Variants in COL5A1 observed in about 807,000 individuals in gnomAD.
COL5A1 encodes the protein collagen type V alpha 1 chain.
COL5A1 carries 16 observed loss-of-function variants against 263.7 expected under a neutral mutation model. The observed-to-expected ratio is 0.06, with a 90% CI of 0.04 to 0.09. The LOEUF (loss-of-function observed/expected upper bound fraction) is 0.09, where lower values mean the gene tolerates loss of function less well. Ranked by LOEUF, COL5A1 falls within the 10% of genes least tolerant of loss-of-function variation. COL5A1 has a pLI of 1.00. For missense variants in COL5A1, 2,036 were observed against 2,540.5 expected, an observed-to-expected ratio of 0.80 and a Z score of 4.27; for synonymous variants, 1,012 against 1,004.5, an observed-to-expected ratio of 1.01 and a Z score of -0.14.
At chr9:134,836,007 T>C (rs2132928973) in intron 65 of COL5A1, among the ~76,000 whole-genome samples, 1 of 152,312 alleles carries the variant, frequency 6.6e-6, no homozygotes, top group Non-Finnish European at 1.5e-5. Context: ...TGGGAATCGC[T>C]GAGAATTCCA....
At chr9:134,697,940 C>T (rs1833538645) in intron 2 of COL5A1, among the ~76,000 whole-genome samples, 2 of 152,140 alleles carry the variant, frequency 1.3e-5, no homozygotes, top group Admixed American at 1.3e-4. Context: ...AAAAATTAAT[C>T]AGGCGTGGTG....
intron 18 of COL5A1, among the ~76,000 whole-genome samples, chr9:134,760,398 C>T (rs202209824): frequency 2.1e-5 from 2 of 94,370 alleles, no homozygotes; most frequent in African/African-American, 6.2e-5. Context: ...ACCCCCACAC[C>T]CCCACACTCA....
chr9:134,723,352 AG>A (rs890317046), intron 4 of COL5A1, among the ~76,000 whole-genome samples: 4 of 152,288 alleles, frequency 2.6e-5, no homozygotes, highest in African/African-American at 9.6e-5. Flanking sequence ...ATGAGGCAGT[AG>A]GTACGTGGCG....
chr9:134,785,483 C>T (rs372462806), intron 30 of COL5A1, among the ~76,000 whole-genome samples: 187 of 152,292 alleles, frequency 1.2e-3, no homozygotes, highest in African/African-American at 4.1e-3. Context: ...GAAGGAAGGC[C>T]GGGGTCCTTG....
chr9:134,727,584 G>A (rs1245122380), intron 5 of COL5A1, among the ~76,000 whole-genome samples, 187 bp downstream of exon 5: 1 of 152,188 alleles, frequency 6.6e-6, no homozygotes, highest in East Asian at 1.9e-4. Flanking sequence ...CAGAATGATA[G>A]GGTCACAGAG....
At chr9:134,797,152 C>T (rs774119063) in intron 36 of COL5A1, among the ~76,000 whole-genome samples, 5 of 152,162 alleles carry the variant, frequency 3.3e-5, no homozygotes, top group Non-Finnish European at 7.3e-5. Flanking sequence ...GAGGGCTGCA[C>T]GCTGGGGTCC....
rs753533395 is a variant in COL5A1 at position 134,652,914 on chromosome 9, G to T, written c.109+10618G>T. 4.2e-5 allele frequency: 14 copies of T among 331,492 alleles called. No individual in the cohort carries two copies. The highest frequency in any genetic ancestry group is 8.6e-5 in the Non-Finnish European group (14 of 162,824). 20.5% of individuals were successfully genotyped at this position (331,492 alleles called of 1,614,324 possible). The stretch of plus-strand genomic sequence containing the variant: ...GGAAACTGCATTTCTAACGAAGTCA[G>T]TTCCCAGACCACGCGGATGCTGGAG... On this transcript the variant is annotated intron_variant, in intron 1 of 65. Transcript: ENST00000371817. This position sits in a 1 kb window ranked among gnomAD's most constrained non-coding sequence, Gnocchi z 4.4.
rs908103624 is a variant in COL5A1, at chr9:134,841,448, G to T, written c.5371-709G>T. ...TCCTAGGCTTCCATCCCACATCCCA[G>T]CGCCCAGGGTTGTGCTGTTTTGAGC... On this transcript the variant is annotated intron_variant, in intron 65 of 65. Coordinates refer to ENST00000371817, the MANE Select transcript of COL5A1 (RefSeq NM_000093.5). The surrounding 1 kb of genome is among the most constrained non-coding windows in gnomAD (Gnocchi z 4.8). Among the ~76,000 whole-genome samples, 5 of 152,190 alleles carry T rather than the reference G, an allele frequency of 3.3e-5. No homozygotes were observed. The highest frequency in any genetic ancestry group is 2.1e-4 in the South Asian group (1 of 4,830).
chr9:134,751,952 G>T (rs1263055650), intron 13 of COL5A1, among the ~76,000 whole-genome samples: 2 of 152,242 alleles, frequency 1.3e-5, no homozygotes, highest in Non-Finnish European at 2.9e-5. Flanking sequence ...CTAAATGGAT[G>T]ATAGGCTATA....
At chr9:134,795,409 TA>T in intron 34 of COL5A1, 94 bp downstream of exon 34, 9 of 1,082,152 alleles carry the variant, frequency 8.3e-6, no homozygotes, top group South Asian at 3.0e-5. Context: ...TGACCTTTTT[TA>T]TTAAAAAAAA....
chr9:134,816,356 C>T (rs569805513), intron 52 of COL5A1, among the ~76,000 whole-genome samples: 43 of 151,852 alleles, frequency 2.8e-4, no homozygotes, highest in African/African-American at 1.0e-3. Context: ...TTACCTTGAC[C>T]GAGATCACAC....
chr9:134,720,103 G>A (rs1834400492), intron 4 of COL5A1, among the ~76,000 whole-genome samples: 1 of 152,192 alleles, frequency 6.6e-6, no homozygotes, highest in African/African-American at 2.4e-5. Context: ...AGTGCCTCAG[G>A]AAGGGTCAGG....
chr9:134,732,520 G>A (rs572132557), intron 9 of COL5A1: 289 of 359,860 alleles, frequency 8.0e-4, no homozygotes, highest in South Asian at 3.4e-3. Flanking sequence ...AGATGCGCGC[G>A]GCAGTGGTAG....
intron 9 of COL5A1, among the ~76,000 whole-genome samples, chr9:134,733,668 G>C (rs538737866): frequency 1.3e-5 from 2 of 152,328 alleles, no homozygotes; most frequent in South Asian, 2.1e-4. Flanking sequence ...GAGCAGCTGT[G>C]GGGGAGAGTG....
intron 4 of COL5A1, among the ~76,000 whole-genome samples, chr9:134,717,978 G>T (rs569691983): frequency 1.3e-5 from 2 of 152,022 alleles, no homozygotes; most frequent in African/African-American, 4.8e-5. Context: ...GCGATTAGAG[G>T]GAGCAGCAGC....
At chr9:134,838,179 C>T (rs754847112) in intron 65 of COL5A1, among the ~76,000 whole-genome samples, 17 of 152,184 alleles carry the variant, frequency 1.1e-4, no homozygotes, top group Non-Finnish European at 1.8e-4. Flanking sequence ...CAAGGCCCGA[C>T]GGCTCTCTGA....
intron 58 of COL5A1, among the ~76,000 whole-genome samples, chr9:134,820,862 G>T (rs1450970517): frequency 6.6e-6 from 1 of 152,142 alleles, no homozygotes; most frequent in Non-Finnish European, 1.5e-5. Flanking sequence ...TTATTCCTGT[G>T]TGGGAATCTT....
In COL5A1 at chr9:134,759,082, C is replaced by A. The variant is rs574948292; in HGVS notation, c.1935+786C>A. 2.2e-4 allele frequency among the ~76,000 whole-genome samples: 34 copies of A among 152,166 alleles called. 2 individuals are homozygous for A. In the South Asian group the frequency reaches 7.0e-3, roughly 32 times the overall value. On this transcript the variant is annotated intron_variant, in intron 18 of 65. Transcript: ENST00000371817. ...CCCATTTGGGGGCCTGACATGAGGG[C>A]TCTTCACAGCTTGTGGGGTGTTCCT...
chr9:134,663,576 G>A (rs62571336), intron 1 of COL5A1, among the ~76,000 whole-genome samples: 18 of 152,108 alleles, frequency 1.2e-4, no homozygotes, highest in Non-Finnish European at 2.1e-4. Context: ...TTTCATTATA[G>A]TCATTTTGGA....
Sources: allele counts gnomAD v4.1 joint callset (sites outside exome capture counted in the v4.1 genomes callset), GRCh38; gene constraint gnomAD v4.1.1; non-coding constraint Gnocchi (gnomAD v3.1); transcripts MANE v1.5; gene names NCBI Gene and HGNC (gene_info 2026-07-23, HGNC 2026-07-21).